The following ANK3 variants were observed in gnomAD, a reference collection of about 807,000 sequenced individuals.
ANK3 encodes the protein ankyrin 3.
In ANK3, 57 loss-of-function variants were observed where a neutral mutation model predicts 370.9. That is an observed-to-expected ratio of 0.15 (90% CI 0.12 to 0.19). ANK3 has a LOEUF of 0.19. Among genes scored for constraint, ANK3 ranks in the 10% least tolerant of loss-of-function variants. ANK3 has a pLI of 1.00. For synonymous variants in ANK3, 1,929 were observed against 1,946.3 expected (o/e 0.99, Z 0.23); for missense variants, 4,439 against 5,302.1 (o/e 0.84, Z 5.06).
At chr10:60,530,491 A>G (rs2076579335) in intron 2 of ANK3, among the ~76,000 whole-genome samples, 1 of 150,096 alleles carries the variant, frequency 6.7e-6, no homozygotes, top group African/African-American at 2.4e-5. Flanking sequence ...TACAAATTTT[A>G]TAGATAAGAA....
chr10:60,172,002 A>C lies in ANK3; in HGVS notation c.2478+306T>G, dbSNP rs567126918. On this transcript the variant is annotated intron_variant, in intron 21 of 43. Coordinates refer to ENST00000280772, the MANE Select transcript of ANK3 (RefSeq NM_020987.5). ...AGGATGTTAAAAAATTTCTGCCTTC[A>C]CCATCATTTCATTAAGAACTTGTTA... Among the ~76,000 whole-genome samples, 342 of 152,334 alleles carry C rather than the reference A, an allele frequency of 2.2e-3. 1 individual carries two copies. The highest frequency in any genetic ancestry group is 7.7e-3 in the African/African-American group (320 of 41,580).
At chr10:60,216,933 C>T (rs983840692) in intron 8 of ANK3, among the ~76,000 whole-genome samples, 9 of 151,956 alleles carry the variant, frequency 5.9e-5, no homozygotes, top group Non-Finnish European at 1.3e-4. Context: ...AATTACTGCC[C>T]CAATTTCAGA....
At chr10:60,130,988 T>C (rs1028658957) in intron 25 of ANK3, among the ~76,000 whole-genome samples, 1 of 152,248 alleles carries the variant, frequency 6.6e-6, no homozygotes, top group Non-Finnish European at 1.5e-5. Context: ...CAATTAACAT[T>C]GCTATATTTG....
intron 2 of ANK3, among the ~76,000 whole-genome samples, chr10:60,517,390 T>C (rs1009947356): frequency 6.6e-6 from 1 of 152,074 alleles, no homozygotes; most frequent in Non-Finnish European, 1.5e-5. Flanking sequence ...GCTATGAAAC[T>C]GGTAGGCTTG....
chr10:60,160,773 T>C (rs576235597), intron 23 of ANK3, among the ~76,000 whole-genome samples: 1 of 152,290 alleles, frequency 6.6e-6, no homozygotes, highest in African/African-American at 2.4e-5. Flanking sequence ...ATGTGATACA[T>C]CATATCCAAA....
At chr10:60,231,934 C>T (rs1188913820) in intron 8 of ANK3, among the ~76,000 whole-genome samples, 8 of 152,082 alleles carry the variant, frequency 5.3e-5, no homozygotes, top group East Asian at 1.9e-4. Context: ...GTATCTTTGT[C>T]GAAAATAAGA....
At chr10:60,398,904 G>T (rs1339750648) in intron 2 of ANK3, among the ~76,000 whole-genome samples, 1 of 152,094 alleles carries the variant, frequency 6.6e-6, no homozygotes, top group African/African-American at 2.4e-5. Context: ...CCTCCCCTAG[G>T]GTGGGGAGAG....
At chr10:60,712,808 C>A (rs927824616) in intron 1 of ANK3, among the ~76,000 whole-genome samples, 4 of 151,926 alleles carry the variant, frequency 2.6e-5, no homozygotes, top group African/African-American at 9.7e-5. Context: ...GCTGATGTAG[C>A]TATATTAATT....
chr10:60,411,798 T>C (rs2063565654), intron 2 of ANK3, among the ~76,000 whole-genome samples: 1 of 152,112 alleles, frequency 6.6e-6, no homozygotes, highest in South Asian at 2.1e-4. Context: ...AATGAGGATA[T>C]AGAAGAAAGT....
chr10:60,231,326 G>A (rs1451942026), intron 8 of ANK3, among the ~76,000 whole-genome samples: 2 of 152,164 alleles, frequency 1.3e-5, no homozygotes, highest in Admixed American at 6.5e-5. Flanking sequence ...TGAGCACCCA[G>A]GCAGGGCACA....
chr10:60,116,281 T>C (rs572860235), intron 25 of ANK3, among the ~76,000 whole-genome samples: 52 of 152,166 alleles, frequency 3.4e-4, no homozygotes, highest in African/African-American at 1.2e-3. Flanking sequence ...AAATGGGAAG[T>C]CTCTGAGGAT....
intron 1 of ANK3, among the ~76,000 whole-genome samples, chr10:60,361,684 A>G (rs928209657): frequency 2.0e-5 from 3 of 152,174 alleles, no homozygotes; most frequent in Non-Finnish European, 4.4e-5. Context: ...GTAGTCCAAG[A>G]AATATTCTGA....
At chr10:60,309,901 A>C (rs902746076) in intron 1 of ANK3, among the ~76,000 whole-genome samples, 1 of 150,624 alleles carries the variant, frequency 6.6e-6, no homozygotes, top group Non-Finnish European at 1.5e-5. Context: ...AGTGAAATCA[A>C]TTTCTTTTCT....
chr10:60,494,032 T>C (rs922836002), intron 2 of ANK3, among the ~76,000 whole-genome samples: 4 of 152,144 alleles, frequency 2.6e-5, no homozygotes, highest in Admixed American at 1.3e-4. Flanking sequence ...AAGATAAGTA[T>C]GGTGGGAGAC....
chr10:60,731,109 G>A (rs1188011422), intron 1 of ANK3, among the ~76,000 whole-genome samples: 1 of 152,064 alleles, frequency 6.6e-6, no homozygotes, highest in Non-Finnish European at 1.5e-5. Context: ...GTAATTAATT[G>A]GAGATTAACC....
intron 2 of ANK3, among the ~76,000 whole-genome samples, chr10:60,513,634 C>T (rs925773972): frequency 1.3e-5 from 2 of 152,090 alleles, no homozygotes; most frequent in Non-Finnish European, 2.9e-5. Flanking sequence ...GACAACAAAT[C>T]AATCTCTCCC....
At chr10:60,506,361 C>G (rs536132443) in intron 2 of ANK3, among the ~76,000 whole-genome samples, 1 of 152,180 alleles carries the variant, frequency 6.6e-6, no homozygotes, top group Non-Finnish European at 1.5e-5. Flanking sequence ...AGAAAGCTTA[C>G]CTGGGAATAA....
intron 42 of ANK3, chr10:60,044,689 G>T (rs1039753382): frequency 2.0e-5 from 3 of 152,128 alleles, no homozygotes; most frequent in African/African-American, 7.2e-5. Flanking sequence ...TGATTAGATC[G>T]TCTCACTTTA....
intron 2 of ANK3, among the ~76,000 whole-genome samples, chr10:60,595,982 A>C (rs1567170816): frequency 6.6e-6 from 1 of 152,158 alleles, no homozygotes. Context: ...GACAGTTCAC[A>C]CTGAATCCTT....
Sources: gnomAD v4.1 joint callset for allele counts (sites outside exome capture counted in the v4.1 genomes callset) on GRCh38, gnomAD v4.1.1 for gene constraint, MANE v1.5 for transcripts, NCBI Gene and HGNC (gene_info 2026-07-23, HGNC 2026-07-21) for gene names.